Variants in PKD1L3 observed in about 807,000 individuals in gnomAD.
The protein encoded by PKD1L3 is polycystin 1 like 3, transient receptor potential channel interacting.
In PKD1L3, 239 loss-of-function variants were observed where a neutral mutation model predicts 184.1. The ratio of observed to expected loss-of-function variants is 1.30; its 90% CI spans 1.17 to 1.45. The LOEUF is 1.45. Among genes scored for constraint, PKD1L3 ranks in the 40% most tolerant of loss-of-function variants. The pLI, the probability that PKD1L3 is intolerant of heterozygous loss-of-function variation, is 0.00. For synonymous variants in PKD1L3, 996 were observed against 778.8 expected, an observed-to-expected ratio of 1.28 and a Z score of -4.64; for missense variants, 2,660 against 2,067.2, an observed-to-expected ratio of 1.29 and a Z score of -5.56.
intron 6 of PKD1L3, among the ~76,000 whole-genome samples, chr16:71,983,659 C>CTAT (rs2040244134): frequency 1.1e-5 from 1 of 92,396 alleles, no homozygotes; most frequent in African/African-American, 4.0e-5. Context: ...TCCAGATTCT[C>CTAT]TTTCTTTTTT....
intron 6 of PKD1L3, 43 bp from the exon 7 acceptor site, chr16:71,982,278 CTTTTTT>C (rs35324670): frequency 1.9e-3 from 814 of 431,956 alleles, no homozygotes; most frequent in East Asian, 3.2e-3. Flanking sequence ...GAATTGTTTG[CTTTTTT>C]TTTTTTTTTT....
In PKD1L3 at chr16:71,962,524, C is replaced by T. The variant is rs141140684; in HGVS notation, c.2612+681G>A. ...CATTTTTTGAGATGGAGTTTCGCTCCGTTGCCCAGGCTGGAGTGCAGTGGC... is the reference window on the plus strand; with the variant it reads ...CATTTTTTGAGATGGAGTTTCGCTCTGTTGCCCAGGCTGGAGTGCAGTGGC... On this transcript the variant is annotated intron_variant, in intron 16 of 29. Transcript: ENST00000620267. Among the ~76,000 whole-genome samples, 75 of 152,026 alleles carry T rather than the reference C, an allele frequency of 4.9e-4. No homozygotes were observed. The East Asian group carries it at 0.011, about 23-fold the overall frequency.
intron 22 of PKD1L3, among the ~76,000 whole-genome samples, chr16:71,945,169 T>C (rs1325180842): frequency 3.2e-5 from 2 of 62,670 alleles, no homozygotes; most frequent in Non-Finnish European, 6.9e-5. Context: ...CACTGTTCTA[T>C]AGTGGTATTC....
chr16:71,929,667 T>G lies in PKD1L3; in HGVS notation c.5070A>C (p.Ala1690=). The G allele has an allele frequency of 6.5e-7, 1 of 1,547,128 alleles. No homozygotes were observed. Among genetic ancestry groups the G allele is most frequent in the Non-Finnish European group, 8.7e-7 (1 of 1,145,514 alleles). Residue 1690 remains alanine (A), a synonymous_variant, in exon 30 of 30, where the codon GCA becomes GCC. Coordinates refer to ENST00000620267, the MANE Select transcript of PKD1L3 (RefSeq NM_181536.2). ...KERKSLKKEA[A]LIDTLLQKLS... is the part of the protein sequence containing the mutation. ...GCTTCTGTAGCAGTGTATCTATTAG[T>G]GCAGCTTCTTTCTGAGTATTGAAGA...
chr16:71,982,514 A>C (rs1160627334), intron 6 of PKD1L3, among the ~76,000 whole-genome samples: 1 of 151,712 alleles, frequency 6.6e-6, no homozygotes, highest in African/African-American at 2.4e-5. Flanking sequence ...CCAACTCCTG[A>C]CCTCAGGTGA....
chr16:71,977,557 GCTC>G (rs1035145603), intron 10 of PKD1L3, 90 bp from the exon 11 acceptor site: 34 of 672,338 alleles, frequency 5.1e-5, no homozygotes, highest in Middle Eastern at 3.6e-4. Flanking sequence ...AAACGTCCTA[GCTC>G]TTTTTTTTTT....
intron 12 of PKD1L3, among the ~76,000 whole-genome samples, chr16:71,970,526 C>T (rs905470665): frequency 1.3e-5 from 2 of 152,042 alleles, no homozygotes; most frequent in Admixed American, 1.3e-4. Flanking sequence ...ATGAATGAAT[C>T]AGCGGGTGTG....
rs1301124561 is a variant in PKD1L3, at chr16:71,979,813, C to T, written c.1371G>A (p.Leu457=). 6.6e-7 allele frequency: 1 copy of T among 1,511,442 alleles called. No homozygotes were observed. Among genetic ancestry groups the T allele is most frequent in the South Asian group, 1.3e-5 (1 of 77,168 alleles). 93.6% of individuals were successfully genotyped at this position (1,511,442 alleles called of 1,614,324 possible). ...FPSALALKEL[L]NKHPGVNVQI... ...GGACATTAACTCCTGGATGTTTATT[C>T]AAGAGCTCCTTCAAAGCTAAAGCCG... The change falls in exon 9 of 30, where the codon TTG becomes TTA. Residue 457 remains leucine (L), a synonymous_variant. Coordinates refer to ENST00000620267, the MANE Select transcript of PKD1L3 (RefSeq NM_181536.2).
chr16:71,966,624 G>T (rs891764194), intron 15 of PKD1L3, among the ~76,000 whole-genome samples: 3 of 151,888 alleles, frequency 2.0e-5, no homozygotes, highest in African/African-American at 7.3e-5. Flanking sequence ...TAGAGGTGGG[G>T]TCTTCCTATG....
chr16:71,947,434 G>T, intron 22 of PKD1L3, 58 bp downstream of exon 22: 3 of 1,101,360 alleles, frequency 2.7e-6, no homozygotes, highest in Non-Finnish European at 4.0e-6. Context: ...TCAGCAAGGT[G>T]GCCAGATCTA....
At chr16:71,999,504 C>T (rs556273761) in intron 1 of PKD1L3, among the ~76,000 whole-genome samples, 180 bp downstream of exon 1, 1 of 152,056 alleles carries the variant, frequency 6.6e-6, no homozygotes, top group Non-Finnish European at 1.5e-5. Context: ...TTTTTGCTAA[C>T]AGACAAATCA....
intron 11 of PKD1L3, among the ~76,000 whole-genome samples, chr16:71,975,281 T>A (rs2039877454): frequency 6.6e-6 from 1 of 151,610 alleles, no homozygotes; most frequent in South Asian, 2.1e-4. Flanking sequence ...TAGTCTCAAA[T>A]TCCTGGGCTT....
At chr16:71,959,584 T>C (rs937991071) in intron 16 of PKD1L3, among the ~76,000 whole-genome samples, 1 of 152,076 alleles carries the variant, frequency 6.6e-6, no homozygotes, top group Non-Finnish European at 1.5e-5. Flanking sequence ...ATTTAAAACA[T>C]GGGAATTGGG....
intron 4 of PKD1L3, among the ~76,000 whole-genome samples, 174 bp from the exon 5 acceptor site, chr16:71,986,643 A>G (rs1428960967): frequency 6.6e-6 from 1 of 152,198 alleles, no homozygotes; most frequent in Non-Finnish European, 1.5e-5. Context: ...AAATCTGCAT[A>G]TTACTTGAGA....
chr16:71,945,739 G>A (rs2038579006), intron 22 of PKD1L3, among the ~76,000 whole-genome samples: 1 of 151,998 alleles, frequency 6.6e-6, no homozygotes, highest in Non-Finnish European at 1.5e-5. Context: ...CAGCATGTGT[G>A]TTCCAAGCAC....
intron 13 of PKD1L3, among the ~76,000 whole-genome samples, chr16:71,968,994 G>A (rs998747631): frequency 2.6e-5 from 4 of 151,202 alleles, no homozygotes; most frequent in African/African-American, 9.8e-5. Context: ...GGGCAATCTC[G>A]ATCTCAGCTC....
intron 16 of PKD1L3, among the ~76,000 whole-genome samples, chr16:71,954,942 A>T (rs2038988272): frequency 6.6e-6 from 1 of 152,172 alleles, no homozygotes; most frequent in Non-Finnish European, 1.5e-5. Context: ...GACAAAGCCA[A>T]CTTCATTGCT....
chr16:71,976,264 C>CTTTTTT lies in PKD1L3; in HGVS notation c.1759+966_1759+971dup, dbSNP rs71153688. On this transcript the variant is annotated intron_variant, in intron 11 of 29. Transcript: ENST00000620267. Reference sequence around the variant, plus strand: ...ATGAGCCACTGAGTGCCCAGCCTGTCTTTTTTTTTTTTTTTTAAGACAGTC... The same window carrying CTTTTTT: ...ATGAGCCACTGAGTGCCCAGCCTGTCTTTTTTTTTTTTTTTTTTTTTTAAGACAGTC... Among the ~76,000 whole-genome samples, 9 of 81,768 alleles carry CTTTTTT rather than the reference C, an allele frequency of 1.1e-4. 1 individual carries two copies. Among genetic ancestry groups the CTTTTTT allele is most frequent in the African/African-American group, 3.8e-4 (8 of 21,048 alleles). The allele number at this position is 81,768 out of a possible 152,430, so 53.6% of individuals were successfully genotyped here.
intron 25 of PKD1L3, among the ~76,000 whole-genome samples, chr16:71,936,462 C>T (rs2143155921): frequency 6.6e-6 from 1 of 150,890 alleles, no homozygotes; most frequent in South Asian, 2.1e-4. Flanking sequence ...CTTGGCCTCC[C>T]AAAATGTTGG....
Sources: gnomAD v4.1 joint callset for allele counts (sites outside exome capture counted in the v4.1 genomes callset) on GRCh38, gnomAD v4.1.1 for gene constraint, MANE v1.5 for transcripts, NCBI Gene and HGNC (gene_info 2026-07-23, HGNC 2026-07-21) for gene names.